The following SEMA3E variants were observed in gnomAD, a reference collection of about 807,000 sequenced individuals.
SEMA3E encodes the protein semaphorin-3E.
SEMA3E carries 49 observed loss-of-function variants against 93.6 expected under a neutral mutation model. That is an observed-to-expected ratio of 0.52 (90% CI 0.42 to 0.66). SEMA3E has a LOEUF of 0.66. Among genes scored for constraint, SEMA3E ranks in the 30% least tolerant of loss-of-function variants. The probability of loss-of-function intolerance (pLI) is 0.00; values close to 1 mark genes in which losing one functional copy is unlikely to be tolerated. For missense variants in SEMA3E, 906 were observed against 964.8 expected (o/e 0.94, Z 0.81); for synonymous variants, 363 against 330.7 (o/e 1.10, Z -1.06).
chr7:83,432,442 G>C (rs927711211), intron 4 of SEMA3E, among the ~76,000 whole-genome samples: 1 of 152,124 alleles, frequency 6.6e-6, no homozygotes, highest in African/African-American at 2.4e-5. Flanking sequence ...AATGTTAACA[G>C]AGATGTTCTC....
At chr7:83,382,476 A>G (rs1787795801) in intron 16 of SEMA3E, among the ~76,000 whole-genome samples, 1 of 151,918 alleles carries the variant, frequency 6.6e-6, no homozygotes, top group African/African-American at 2.4e-5. Context: ...AATTATGTCT[A>G]ACATGCAGTT....
At chr7:83,621,914 T>C (rs2115632886) in intron 1 of SEMA3E, among the ~76,000 whole-genome samples, 1 of 152,240 alleles carries the variant, frequency 6.6e-6, no homozygotes, top group South Asian at 2.1e-4. Context: ...AACAATACCA[T>C]TCAGGATATA....
At chr7:83,593,260 GTCTCTCTCTC>G (rs1186592715) in intron 1 of SEMA3E, among the ~76,000 whole-genome samples, 1 of 96,338 alleles carries the variant, frequency 1.0e-5, no homozygotes, top group Non-Finnish European at 2.0e-5. Flanking sequence ...CTCTCTCTCT[GTCTCTCTCTC>G]TCTCTCTCTC....
intron 1 of SEMA3E, among the ~76,000 whole-genome samples, chr7:83,617,985 A>G (rs1793416588): frequency 6.6e-6 from 1 of 152,062 alleles, no homozygotes; most frequent in South Asian, 2.1e-4. Flanking sequence ...TATAGTCCAT[A>G]AGGAAGATAA....
chr7:83,620,256 T>C (rs2096431206), intron 1 of SEMA3E, among the ~76,000 whole-genome samples: 1 of 151,974 alleles, frequency 6.6e-6, no homozygotes, highest in Admixed American at 6.6e-5. Flanking sequence ...CTTTGGTGTA[T>C]TTCTGATTTG....
In SEMA3E at chr7:83,365,720, G is replaced by A. The variant is rs1022694190; in HGVS notation, c.*1866C>T. The A allele has an allele frequency of 2.6e-5, 4 of 152,138 alleles. No individual in the cohort carries two copies. Among genetic ancestry groups the A allele is most frequent in the African/African-American group, 9.6e-5 (4 of 41,530 alleles). 9.4% of individuals were successfully genotyped at this position (152,138 alleles called of 1,614,324 possible). Reference sequence around the variant, plus strand: ...TCTGCCTTTTTAATTTTAAAATTCAGATACAGGAGAAAATCCTGCTTTCTT... The same window carrying A: ...TCTGCCTTTTTAATTTTAAAATTCAAATACAGGAGAAAATCCTGCTTTCTT... On this transcript the variant is annotated 3_prime_UTR_variant, in exon 17 of 17. Coordinates refer to ENST00000643230, the MANE Select transcript of SEMA3E (RefSeq NM_012431.3).
rs1220968558 is a variant in SEMA3E at position 83,363,294 on chromosome 7, T to C, written c.*4292A>G. ...CATCGAAGTTGAGCCAAATAGAGAT[T>C]GTACATAATGGTACATAGCGCGTAG... On this transcript the variant is annotated 3_prime_UTR_variant, in exon 17 of 17. Coordinates refer to ENST00000643230, the MANE Select transcript of SEMA3E (RefSeq NM_012431.3). 6.6e-6 allele frequency: 1 copy of C among 152,190 alleles called. No homozygotes were observed. The highest frequency in any genetic ancestry group is 1.5e-5 in the Non-Finnish European group (1 of 68,038). The allele number at this position is 152,190 out of a possible 1,614,324, so 9.4% of individuals were successfully genotyped here.
intron 1 of SEMA3E, among the ~76,000 whole-genome samples, chr7:83,571,757 C>T (rs1035243567): frequency 6.6e-6 from 1 of 152,096 alleles, no homozygotes; most frequent in Non-Finnish European, 1.5e-5. Flanking sequence ...TAAAAGGCGT[C>T]CAAAGAGGAA....
At chr7:83,539,296 G>A (rs28410136) in intron 1 of SEMA3E, among the ~76,000 whole-genome samples, 33,736 of 151,866 alleles carry the variant, frequency 0.22, 3,888 homozygotes, top group East Asian at 0.39. Context: ...ACGGTGCTTG[G>A]TATCCCCGAG....
At chr7:83,467,954 G>A (rs886150744) in intron 3 of SEMA3E, among the ~76,000 whole-genome samples, 1 of 152,142 alleles carries the variant, frequency 6.6e-6, no homozygotes. Flanking sequence ...ATTTTAGCAA[G>A]CATTCTTTTG....
intron 4 of SEMA3E, among the ~76,000 whole-genome samples, chr7:83,430,208 T>C (rs1344391194): frequency 6.6e-6 from 1 of 152,130 alleles, no homozygotes; most frequent in Non-Finnish European, 1.5e-5. Context: ...CTCATGCTTG[T>C]AATCCCAGCA....
chr7:83,482,408 T>C (rs1362500120), intron 2 of SEMA3E, among the ~76,000 whole-genome samples: 1 of 151,256 alleles, frequency 6.6e-6, no homozygotes, highest in Non-Finnish European at 1.5e-5. Flanking sequence ...CTACTAAAAA[T>C]ACAAAAAATT....
At chr7:83,484,438 A>G (rs1415233131) in intron 2 of SEMA3E, among the ~76,000 whole-genome samples, 2 of 152,182 alleles carry the variant, frequency 1.3e-5, no homozygotes, top group African/African-American at 4.8e-5. Context: ...TGATTCATCA[A>G]CCATCACAAT....
At chr7:83,584,834 C>T (rs959347776) in intron 1 of SEMA3E, among the ~76,000 whole-genome samples, 15 of 152,084 alleles carry the variant, frequency 9.9e-5, no homozygotes, top group African/African-American at 3.6e-4. Flanking sequence ...GTCCCTTCTC[C>T]TCCACTCTTG....
At chr7:83,454,481 T>A (rs1044141575) in intron 4 of SEMA3E, among the ~76,000 whole-genome samples, 1 of 151,832 alleles carries the variant, frequency 6.6e-6, no homozygotes, top group African/African-American at 2.4e-5. Context: ...GAATATTAAA[T>A]GCATGGCTAT....
At chr7:83,547,020 A>G (rs1693388) in intron 1 of SEMA3E, among the ~76,000 whole-genome samples, 50,660 of 151,976 alleles carry the variant, frequency 0.33, 10,334 homozygotes, top group African/African-American at 0.57. Flanking sequence ...AGCAATGATA[A>G]GCAAGGCTGA....
chr7:83,524,075 A>G (rs1791105043), intron 1 of SEMA3E, among the ~76,000 whole-genome samples: 1 of 152,148 alleles, frequency 6.6e-6, no homozygotes, highest in Admixed American at 6.6e-5. Context: ...AACAATATAA[A>G]CCAACAAGAT....
At chr7:83,424,387 T>C (rs1788728650) in intron 4 of SEMA3E, among the ~76,000 whole-genome samples, 1 of 152,210 alleles carries the variant, frequency 6.6e-6, no homozygotes, top group Non-Finnish European at 1.5e-5. Context: ...ATTACTACAG[T>C]ATGATGTCAT....
chr7:83,541,909 C>G (rs371002974), intron 1 of SEMA3E, among the ~76,000 whole-genome samples: 2 of 151,932 alleles, frequency 1.3e-5, no homozygotes, highest in African/African-American at 4.8e-5. Flanking sequence ...AGAAGAGGCC[C>G]TGGAATGAGA....
Sources: allele counts gnomAD v4.1 joint callset (sites outside exome capture counted in the v4.1 genomes callset), GRCh38; gene constraint gnomAD v4.1.1; transcripts MANE v1.5; gene names NCBI Gene and HGNC (gene_info 2026-07-23, HGNC 2026-07-21).